The following ZC3H3 variants were observed in gnomAD, a reference collection of about 807,000 sequenced individuals.
ZC3H3 encodes zinc finger CCCH-type containing 3, also known as zinc finger CCCH domain-containing protein 3.
A neutral mutation model predicts 77.3 loss-of-function variants in ZC3H3; 36 were observed. The observed-to-expected ratio is 0.47, with a 90% CI of 0.36 to 0.61. The LOEUF is 0.61. Ranked by LOEUF, ZC3H3 falls within the 20% of genes least tolerant of loss-of-function variation. The pLI, the probability that ZC3H3 is intolerant of heterozygous loss-of-function variation, is 0.00. For missense variants in ZC3H3, 1,331 were observed against 1,312.2 expected, an observed-to-expected ratio of 1.01 and a Z score of -0.22; for synonymous variants, 626 against 555.2, an observed-to-expected ratio of 1.13 and a Z score of -1.79.
intron 3 of ZC3H3, among the ~76,000 whole-genome samples, chr8:143,512,416 T>C (rs1821898356): frequency 1.3e-5 from 2 of 152,278 alleles, no homozygotes; most frequent in Non-Finnish European, 2.9e-5. Context: ...CTGGTGTCTG[T>C]GACCCGTTTC....
chr8:143,508,903 G>C (rs934137384), intron 3 of ZC3H3, among the ~76,000 whole-genome samples: 2 of 152,190 alleles, frequency 1.3e-5, no homozygotes, highest in African/African-American at 2.4e-5. Context: ...TCCTTGGACA[G>C]GACCAGTAAC....
At chr8:143,490,625 A>C (rs1183697681) in intron 4 of ZC3H3, among the ~76,000 whole-genome samples, 3 of 152,226 alleles carry the variant, frequency 2.0e-5, no homozygotes, top group African/African-American at 7.2e-5. Context: ...GTTAAATAAG[A>C]TACTGATGGC....
rs1246751973 is a variant in ZC3H3 at position 143,494,309 on chromosome 8, CAGAG to C, written c.1715+13433_1715+13436del. On this transcript the variant is annotated intron_variant, in intron 4 of 11. Transcript: ENST00000262577. The surrounding 1 kb of genome is among the most constrained non-coding windows in gnomAD (Gnocchi z 5.3). ...AGTTTTCTCAAATGACAGAGTATCT[CAGAG>C]AGCGTGAGTGAGCAGCTCAGGCTAC... 6.6e-6 allele frequency among the ~76,000 whole-genome samples: 1 copy of C among 152,240 alleles called. No homozygotes were observed. The highest frequency in any genetic ancestry group is 2.4e-5 in the African/African-American group (1 of 41,470).
chr8:143,479,730 A>G (rs1411544796), intron 4 of ZC3H3, among the ~76,000 whole-genome samples: 3 of 152,208 alleles, frequency 2.0e-5, no homozygotes. Flanking sequence ...CAGAAGTGAC[A>G]ATGCCCCAGG....
intron 9 of ZC3H3, among the ~76,000 whole-genome samples, chr8:143,463,221 G>A (rs1259605384): frequency 6.6e-6 from 1 of 151,906 alleles, no homozygotes; most frequent in East Asian, 1.9e-4. Context: ...CTGACCTCAG[G>A]TGATCCACCT....
At chr8:143,473,020 G>A (rs1424854044) in intron 5 of ZC3H3, among the ~76,000 whole-genome samples, 2 of 152,208 alleles carry the variant, frequency 1.3e-5, no homozygotes, top group Non-Finnish European at 2.9e-5. Context: ...TGACTGCCAG[G>A]AGCAGCCTCT....
intron 9 of ZC3H3, among the ~76,000 whole-genome samples, chr8:143,447,883 C>T (rs1296600645): frequency 6.6e-6 from 1 of 152,210 alleles, no homozygotes; most frequent in Admixed American, 6.5e-5. Context: ...CCTCCCACCA[C>T]TTTGGGAGGC....
chr8:143,499,040 A>G (rs957580468), intron 4 of ZC3H3, among the ~76,000 whole-genome samples: 1 of 152,054 alleles, frequency 6.6e-6, no homozygotes, highest in African/African-American at 2.4e-5. Context: ...TCCCCCAAGA[A>G]GGGGCGGAGA....
chr8:143,531,015 A>G (rs1241734376), intron 3 of ZC3H3, among the ~76,000 whole-genome samples: 2 of 142,092 alleles, frequency 1.4e-5, no homozygotes, highest in East Asian at 4.1e-4. Flanking sequence ...GTTGCAGTGC[A>G]GTGGTGCGAT....
chr8:143,479,141 C>T (rs561175416), intron 4 of ZC3H3, among the ~76,000 whole-genome samples: 2 of 152,304 alleles, frequency 1.3e-5, no homozygotes, highest in Non-Finnish European at 2.9e-5. Flanking sequence ...GGCAGAACGT[C>T]GGGCCTGTGC....
chr8:143,444,948 A>G (rs1256697376), intron 9 of ZC3H3, among the ~76,000 whole-genome samples: 1 of 152,240 alleles, frequency 6.6e-6, no homozygotes, highest in African/African-American at 2.4e-5. Context: ...TTATAAACTA[A>G]TTACTAATAT....
chr8:143,472,248 G>T (rs1820587718), intron 5 of ZC3H3, among the ~76,000 whole-genome samples: 1 of 152,246 alleles, frequency 6.6e-6, no homozygotes, highest in Non-Finnish European at 1.5e-5. Context: ...AGGGCTGGGG[G>T]AACCAGACTG....
At chr8:143,461,942 G>A (rs530856112) in intron 9 of ZC3H3, among the ~76,000 whole-genome samples, 1 of 151,532 alleles carries the variant, frequency 6.6e-6, no homozygotes, top group African/African-American at 2.4e-5. Context: ...CAGAGGAATT[G>A]TGTGGGAGGG....
chr8:143,526,554 G>A (rs1476442665), intron 3 of ZC3H3, among the ~76,000 whole-genome samples: 1 of 152,196 alleles, frequency 6.6e-6, no homozygotes, highest in African/African-American at 2.4e-5. Context: ...AAGTCCACAT[G>A]GACTCTGACC....
At chr8:143,519,125 G>A (rs938762646) in intron 3 of ZC3H3, among the ~76,000 whole-genome samples, 2 of 152,228 alleles carry the variant, frequency 1.3e-5, no homozygotes, top group African/African-American at 2.4e-5. Context: ...TGAAGGAGGG[G>A]AGGAGAGGGG....
intron 9 of ZC3H3, 82 bp from the exon 10 acceptor site, chr8:143,441,202 G>GCC: frequency 5.3e-6 from 7 of 1,324,444 alleles, no homozygotes; most frequent in Non-Finnish European, 6.7e-6. Flanking sequence ...GCCAGGCCAG[G>GCC]CCCCCCGAGT....
intron 3 of ZC3H3, among the ~76,000 whole-genome samples, chr8:143,509,629 G>A (rs775638947): frequency 1.6e-4 from 24 of 152,216 alleles, no homozygotes; most frequent in Admixed American, 1.3e-4. Flanking sequence ...GCTCTGGGAC[G>A]CAGAGCCTGG....
At chr8:143,478,873 A>G (rs1044110441) in intron 4 of ZC3H3, among the ~76,000 whole-genome samples, 54 of 152,320 alleles carry the variant, frequency 3.5e-4, no homozygotes, top group Middle Eastern at 3.4e-3. Context: ...TCCCTCCTAA[A>G]AAAAACACCT....
intron 3 of ZC3H3, among the ~76,000 whole-genome samples, chr8:143,524,112 C>T (rs1822337213): frequency 6.6e-6 from 1 of 152,236 alleles, no homozygotes; most frequent in South Asian, 2.1e-4. Flanking sequence ...GGCAAGTGTG[C>T]CTGGGAGAGA....
Sources: allele counts gnomAD v4.1 joint callset (sites outside exome capture counted in the v4.1 genomes callset), GRCh38; gene constraint gnomAD v4.1.1; non-coding constraint Gnocchi (gnomAD v3.1); transcripts MANE v1.5; gene names NCBI Gene and HGNC (gene_info 2026-07-23, HGNC 2026-07-21).